The following IL23R variants were observed in gnomAD, a reference collection of about 807,000 sequenced individuals.
The protein encoded by IL23R is interleukin-23 receptor.
IL23R carries 34 observed loss-of-function variants against 56.9 expected under a neutral mutation model. The observed-to-expected ratio is 0.60, with a 90% CI of 0.45 to 0.80. The LOEUF (loss-of-function observed/expected upper bound fraction) is 0.80. IL23R is among the 30% of genes least tolerant of loss of function. The pLI, the probability that IL23R is intolerant of heterozygous loss-of-function variation, is 0.00. For synonymous variants in IL23R, 230 were observed against 249.2 expected, an observed-to-expected ratio of 0.92 and a Z score of 0.73; for missense variants, 635 against 730.0, an observed-to-expected ratio of 0.87 and a Z score of 1.50.
At chr1:67,167,244 T>A (rs1570772009) in intron 1 of IL23R, among the ~76,000 whole-genome samples, 1 of 152,140 alleles carries the variant, frequency 6.6e-6, no homozygotes, top group East Asian at 1.9e-4. Context: ...CTAATTTTTG[T>A]ATTTTTAGTA....
At chr1:67,167,982 C>A (rs896606561) in intron 1 of IL23R, 110 bp from the exon 2 acceptor site, 1 of 662,952 alleles carries the variant, frequency 1.5e-6, no homozygotes, top group African/African-American at 1.8e-5. Flanking sequence ...CTTCTTCCTC[C>A]CTAATCAAAG....
intron 4 of IL23R, among the ~76,000 whole-genome samples, chr1:67,183,518 G>A (rs1315273535): frequency 6.6e-6 from 1 of 152,132 alleles, no homozygotes; most frequent in Non-Finnish European, 1.5e-5. Flanking sequence ...CTGGGCGACA[G>A]AACAAGACTC....
intron 9 of IL23R, among the ~76,000 whole-genome samples, chr1:67,248,695 T>C (rs757186113): frequency 2.6e-5 from 4 of 152,188 alleles, no homozygotes; most frequent in Admixed American, 1.3e-4. Flanking sequence ...AGAGGCATTC[T>C]GGTTTTTGGA....
chr1:67,258,134 A>G (rs567133680), intron 10 of IL23R, among the ~76,000 whole-genome samples: 1 of 152,334 alleles, frequency 6.6e-6, no homozygotes, highest in Non-Finnish European at 1.5e-5. Flanking sequence ...CTTGCCTCAG[A>G]AGACCAACTT....
chr1:67,227,746 C>G (rs140104712), intron 7 of IL23R, among the ~76,000 whole-genome samples: 2 of 152,292 alleles, frequency 1.3e-5, no homozygotes, highest in East Asian at 3.9e-4. Flanking sequence ...AACTTGTAGA[C>G]TCTATTGGTT....
chr1:67,204,879 A>C (rs1187662582), intron 5 of IL23R, among the ~76,000 whole-genome samples: 1 of 151,900 alleles, frequency 6.6e-6, no homozygotes, highest in Non-Finnish European at 1.5e-5. Flanking sequence ...CTTGGATTCA[A>C]GTGATTCTTG....
At chr1:67,180,949 C>T (rs994343754) in intron 3 of IL23R, among the ~76,000 whole-genome samples, 1 of 152,202 alleles carries the variant, frequency 6.6e-6, no homozygotes. Flanking sequence ...ATATTGACCT[C>T]CACTCTCTTC....
chr1:67,174,146 A>G (rs1260198120), intron 3 of IL23R, among the ~76,000 whole-genome samples: 2 of 152,150 alleles, frequency 1.3e-5, no homozygotes, highest in African/African-American at 4.8e-5. Flanking sequence ...TATATCTATG[A>G]ACATTTCAAT....
chr1:67,180,002 G>GT (rs879021858), intron 3 of IL23R, among the ~76,000 whole-genome samples: 4 of 152,032 alleles, frequency 2.6e-5, no homozygotes, highest in African/African-American at 9.7e-5. Flanking sequence ...TAGAATTTCT[G>GT]TTTTTTTACA....
chr1:67,150,668 A>AAAG (rs1284699975), intron 1 of IL23R, among the ~76,000 whole-genome samples: 2 of 151,746 alleles, frequency 1.3e-5, no homozygotes, highest in African/African-American at 2.4e-5. Flanking sequence ...AAAAAAAAAA[A>AAAG]AAAGGTTTGA....
Position 67,259,079 on chromosome 1 carries a change from A to C in IL23R, c.1841A>C (p.Gln614Pro), listed in dbSNP as rs982678126. ...ELPSINTYFPQNILESHFNRI... is the reference protein window; with the variant it reads ...ELPSINTYFPPNILESHFNRI... ...CCATCTATTAATACTTATTTTCCACAAAATATTTTGGAAAGCCACTTCAAT... is the reference window on the plus strand; with the variant it reads ...CCATCTATTAATACTTATTTTCCACCAAATATTTTGGAAAGCCACTTCAAT... Residue 614 changes from glutamine (Q) to proline (P), a missense_variant, in exon 11 of 11, where the codon CAA (glutamine) becomes CCA (proline). Transcript: ENST00000347310. The C allele has an allele frequency of 6.2e-7, 1 of 1,613,850 alleles. No individual in the cohort carries two copies. The highest frequency in any genetic ancestry group is 8.5e-7 in the Non-Finnish European group (1 of 1,179,952).
intron 7 of IL23R, among the ~76,000 whole-genome samples, chr1:67,222,146 T>C (rs1384424130): frequency 2.9e-5 from 4 of 139,860 alleles, no homozygotes; most frequent in African/African-American, 1.1e-4. Flanking sequence ...TCTTGCTCTC[T>C]TGCTCTTTTG....
intron 4 of IL23R, among the ~76,000 whole-genome samples, chr1:67,183,316 C>T (rs914205078): frequency 6.6e-6 from 1 of 152,174 alleles, no homozygotes; most frequent in Non-Finnish European, 1.5e-5. Flanking sequence ...GGGTGAATAA[C>T]CTGAGGTCAG....
At chr1:67,200,239 T>C (rs1648517709) in intron 4 of IL23R, among the ~76,000 whole-genome samples, 1 of 152,026 alleles carries the variant, frequency 6.6e-6, no homozygotes. Context: ...AGACAGGGTT[T>C]CACCATGTTA....
intron 6 of IL23R, 112 bp from the exon 7 acceptor site, chr1:67,219,462 T>C: frequency 2.1e-6 from 2 of 970,014 alleles, no homozygotes; most frequent in South Asian, 2.8e-5. Flanking sequence ...TTTGTTTTCC[T>C]AGAGTCTAGA....
Position 67,206,905 on chromosome 1 carries a change from T to TTTTTTTTTA in IL23R, c.653-5_653-4insTTTTTTTTA. 6.5e-7 allele frequency: 1 copy of TTTTTTTTTA among 1,528,992 alleles called. No homozygotes were observed. Among genetic ancestry groups the TTTTTTTTTA allele is most frequent in the East Asian group, 2.4e-5 (1 of 41,118 alleles). 94.7% of individuals were successfully genotyped at this position (1,528,992 alleles called of 1,614,324 possible). On this transcript the variant is annotated splice_region_variant and splice_polypyrimidine_tract_variant and intron_variant, in intron 5 of 10. Transcript: ENST00000347310. ...AGGTCTTTTTTTTTTTTTTTTTTTTTCTAGTGATACCTTCTGCAGCCGTCA... is the reference window on the plus strand; with the variant it reads ...AGGTCTTTTTTTTTTTTTTTTTTTTTTTTTTTTTACTAGTGATACCTTCTGCAGCCGTCA...
chr1:67,143,210 C>G (rs1445150631), intron 1 of IL23R, among the ~76,000 whole-genome samples: 1 of 152,172 alleles, frequency 6.6e-6, no homozygotes, highest in Non-Finnish European at 1.5e-5. Context: ...AATCTTTAGA[C>G]TGTTCGAAAA....
At chr1:67,229,688 A>G (rs746774484) in intron 7 of IL23R, among the ~76,000 whole-genome samples, 30 of 152,198 alleles carry the variant, frequency 2.0e-4, no homozygotes, top group Non-Finnish European at 4.0e-4. Context: ...AATGACCGTT[A>G]CCACTTTGGG....
chr1:67,256,791 G>A (rs1652976316), intron 10 of IL23R, among the ~76,000 whole-genome samples: 1 of 152,132 alleles, frequency 6.6e-6, no homozygotes, highest in Admixed American at 6.5e-5. Flanking sequence ...AAATAGAAGT[G>A]GCTCTGTTTC....
Sources: gnomAD v4.1 joint callset for allele counts (sites outside exome capture counted in the v4.1 genomes callset) on GRCh38, gnomAD v4.1.1 for gene constraint, MANE v1.5 for transcripts, NCBI Gene and HGNC (gene_info 2026-07-23, HGNC 2026-07-21) for gene names.